The following TRPS1 variants were observed in gnomAD, a reference collection of about 807,000 sequenced individuals.
TRPS1 encodes the protein zinc finger transcription factor Trps1.
In TRPS1, 6 loss-of-function variants were observed where a neutral mutation model predicts 101.2. The observed-to-expected ratio is 0.06, with a 90% CI of 0.03 to 0.12. The LOEUF (loss-of-function observed/expected upper bound fraction) is 0.12, where lower values mean the gene tolerates loss of function less well. TRPS1 is among the 10% of genes least tolerant of loss of function. The pLI is 1.00. For synonymous variants in TRPS1, 578 were observed against 589.8 expected (o/e 0.98, Z 0.29); for missense variants, 1,363 against 1,567.0 (o/e 0.87, Z 2.20).
Position 115,500,614 on chromosome 8 carries a change from G to A in TRPS1, c.2701-82162C>T, listed in dbSNP as rs188022020. On this transcript the variant is annotated intron_variant, in intron 5 of 6. Coordinates refer to ENST00000395715, the MANE Select transcript of TRPS1 (RefSeq NM_014112.5). ...CATGGAATAGGTTTTCAGTCACCCA[G>A]GCTGGAGTACTGTGCTGTGATCTCA... Among the ~76,000 whole-genome samples, 476 of 152,238 alleles carry A rather than the reference G, an allele frequency of 3.1e-3. 1 individual carries two copies. Among genetic ancestry groups the A allele is most frequent in the Non-Finnish European group, 5.9e-3 (404 of 68,014 alleles).
intron 5 of TRPS1, among the ~76,000 whole-genome samples, chr8:115,480,637 T>C (rs1814728991): frequency 6.6e-6 from 1 of 152,082 alleles, no homozygotes; most frequent in South Asian, 2.1e-4. Context: ...GAAAAATGCA[T>C]GCATGCAAAG....
intron 5 of TRPS1, among the ~76,000 whole-genome samples, chr8:115,527,483 T>C (rs1816026565): frequency 6.6e-6 from 1 of 151,952 alleles, no homozygotes; most frequent in Non-Finnish European, 1.5e-5. Context: ...CCCCAACATC[T>C]TTCATACTGA....
intron 5 of TRPS1, among the ~76,000 whole-genome samples, chr8:115,498,177 G>A (rs1815197064): frequency 6.6e-6 from 1 of 151,890 alleles, no homozygotes; most frequent in African/African-American, 2.4e-5. Context: ...AGGAGTTTGA[G>A]ACCAGCTGGG....
intron 5 of TRPS1, among the ~76,000 whole-genome samples, chr8:115,569,704 C>G (rs1363955389): frequency 6.6e-6 from 1 of 152,042 alleles, no homozygotes; most frequent in Admixed American, 6.6e-5. Flanking sequence ...GGTCCCATTA[C>G]ACATTTCTGG....
At chr8:115,453,767 G>A (rs1813942719) in intron 5 of TRPS1, among the ~76,000 whole-genome samples, 1 of 152,174 alleles carries the variant, frequency 6.6e-6, no homozygotes, top group South Asian at 2.1e-4. Flanking sequence ...ACTGTAATCA[G>A]GCAATTGATT....
At chr8:115,476,603 A>C (rs975077260) in intron 5 of TRPS1, among the ~76,000 whole-genome samples, 3 of 152,194 alleles carry the variant, frequency 2.0e-5, no homozygotes, top group Admixed American at 2.0e-4. Context: ...ATATTGTAAC[A>C]AACAAGTAAT....
At chr8:115,536,588 A>G (rs1445734296) in intron 5 of TRPS1, among the ~76,000 whole-genome samples, 1 of 151,380 alleles carries the variant, frequency 6.6e-6, no homozygotes, top group Non-Finnish European at 1.5e-5. Context: ...TTTTAAAACA[A>G]CTCCTCATTT....
intron 1 of TRPS1, among the ~76,000 whole-genome samples, chr8:115,633,121 G>A (rs991842199): frequency 6.6e-6 from 1 of 152,018 alleles, no homozygotes. Context: ...GGTCATTGAC[G>A]CCTCAGGCTG....
intron 1 of TRPS1, among the ~76,000 whole-genome samples, chr8:115,642,021 T>C (rs1332525589): frequency 1.3e-5 from 2 of 152,012 alleles, no homozygotes; most frequent in Admixed American, 6.6e-5. Context: ...AGGACCAGCC[T>C]GGAAAATACA....
At chr8:115,590,816 T>C (rs775064676) in intron 4 of TRPS1, among the ~76,000 whole-genome samples, 19 of 152,118 alleles carry the variant, frequency 1.2e-4, no homozygotes, top group Non-Finnish European at 2.2e-4. Flanking sequence ...TAAATGAGAG[T>C]TAATCAGTAT....
chr8:115,453,476 TGTGA>T (rs1486818502), intron 5 of TRPS1, among the ~76,000 whole-genome samples: 7 of 152,336 alleles, frequency 4.6e-5, no homozygotes, highest in South Asian at 4.1e-4. Context: ...AGTGTGTACA[TGTGA>T]GTATGTGTGT....
Position 115,587,181 on chromosome 8 carries a change from T to G in TRPS1, c.2520A>C (p.Leu840=), listed in dbSNP as rs1184205045. ...CGGCCTCCACATTGGGACTATCCCT[T>G]AGAGTCTTTGTCTGCTCTTGGGTGC... ...VSGTQEQTKT[L]RDSPNVEAAH... The change falls in exon 5 of 7, where the codon CTA becomes CTC. Residue 840 remains leucine (L), a synonymous_variant. Coordinates refer to ENST00000395715, the MANE Select transcript of TRPS1 (RefSeq NM_014112.5). The G allele has an allele frequency of 6.2e-7, 1 of 1,614,210 alleles. No individual in the cohort carries two copies. Among genetic ancestry groups the G allele is most frequent in the African/African-American group, 1.3e-5 (1 of 75,066 alleles).
intron 5 of TRPS1, among the ~76,000 whole-genome samples, chr8:115,438,964 G>A (rs1272369103): frequency 2.0e-5 from 3 of 152,160 alleles, no homozygotes; most frequent in Admixed American, 2.0e-4. Flanking sequence ...GACCTTGCTG[G>A]CTTCAGTCAT....
At chr8:115,488,520 A>C (rs946737124) in intron 5 of TRPS1, among the ~76,000 whole-genome samples, 13 of 148,082 alleles carry the variant, frequency 8.8e-5, no homozygotes, top group African/African-American at 3.2e-4. Flanking sequence ...GAAACCCCCC[A>C]AAAAATTAGC....
intron 4 of TRPS1, among the ~76,000 whole-genome samples, chr8:115,593,468 G>A (rs1817722374): frequency 6.6e-6 from 1 of 152,124 alleles, no homozygotes; most frequent in African/African-American, 2.4e-5. Flanking sequence ...TTATTTGATA[G>A]TTAAAGCAAT....
intron 5 of TRPS1, among the ~76,000 whole-genome samples, chr8:115,496,636 T>C (rs1815155741): frequency 6.6e-6 from 1 of 152,178 alleles, no homozygotes; most frequent in South Asian, 2.1e-4. Context: ...ATTAAACTAA[T>C]TTACTGGTTA....
intron 5 of TRPS1, among the ~76,000 whole-genome samples, chr8:115,451,266 C>T (rs1422799841): frequency 6.6e-6 from 1 of 152,132 alleles, no homozygotes; most frequent in African/African-American, 2.4e-5. Flanking sequence ...TGGCTATATA[C>T]ACACAAATGT....
At chr8:115,508,414 G>T (rs1815498797) in intron 5 of TRPS1, among the ~76,000 whole-genome samples, 1 of 152,062 alleles carries the variant, frequency 6.6e-6, no homozygotes, top group Admixed American at 6.6e-5. Flanking sequence ...GTCAAATATT[G>T]TCGTAGTACT....
rs148924629 is a variant in TRPS1, at chr8:115,427,519, C to T, written c.2701-9067G>A. 2.4e-4 allele frequency among the ~76,000 whole-genome samples: 36 copies of T among 152,036 alleles called. No homozygotes were observed. In the East Asian group the frequency reaches 6.8e-3, roughly 29 times the overall value. On this transcript the variant is annotated intron_variant, in intron 5 of 6. Coordinates refer to ENST00000395715, the MANE Select transcript of TRPS1 (RefSeq NM_014112.5). Reference sequence around the variant, plus strand: ...CACTTTATAGATGAGAAAACTGAGGCTTAGAAGCAATTTGCAACTGCTGAA... The same window carrying T: ...CACTTTATAGATGAGAAAACTGAGGTTTAGAAGCAATTTGCAACTGCTGAA...
Sources: gnomAD v4.1 joint callset for allele counts (sites outside exome capture counted in the v4.1 genomes callset) on GRCh38, gnomAD v4.1.1 for gene constraint, MANE v1.5 for transcripts, NCBI Gene and HGNC (gene_info 2026-07-23, HGNC 2026-07-21) for gene names.